KHDC1: variants seen among roughly 807,000 people sequenced by gnomAD.
KHDC1 encodes the protein KH domain containing 1.
A neutral mutation model predicts 24.7 loss-of-function variants in KHDC1; 21 were observed. That is an observed-to-expected ratio of 0.85 (90% CI 0.60 to 1.23). The LOEUF (loss-of-function observed/expected upper bound fraction) is 1.23, where lower values mean the gene tolerates loss of function less well. Among genes scored for constraint, KHDC1 ranks in the 50% most tolerant of loss-of-function variants. KHDC1 has a pLI of 0.00. For missense variants in KHDC1, 274 were observed against 298.5 expected (o/e 0.92, Z 0.61); for synonymous variants, 98 against 111.7 (o/e 0.88, Z 0.77).
At chr6:73,300,176 C>T (rs1226431728) in intron 1 of KHDC1, 1 of 152,342 alleles carries the variant, frequency 6.6e-6, no homozygotes, top group Non-Finnish European at 1.5e-5. Context: ...AGGTGTTCTC[C>T]ACATCAGTTC....
intron 1 of KHDC1, chr6:73,292,804 A>G: frequency 1.4e-6 from 1 of 709,160 alleles, no homozygotes. Context: ...AGTCTTACAC[A>G]TATAAAGACC....
chr6:73,254,332 G>A (rs930799504), intron 2 of KHDC1, among the ~76,000 whole-genome samples: 4 of 151,956 alleles, frequency 2.6e-5, no homozygotes, highest in Middle Eastern at 6.8e-3. Context: ...GTGGTGGTGC[G>A]TGCCTGTTAT....
At chr6:73,285,698 A>G (rs531899794) in intron 2 of KHDC1, among the ~76,000 whole-genome samples, 10 of 137,258 alleles carry the variant, frequency 7.3e-5, no homozygotes, top group Admixed American at 1.5e-4. Context: ...ACATGTGCAT[A>G]TTGTGCAGGT....
In KHDC1 at chr6:73,280,854, A is replaced by C. The variant is rs562940353; in HGVS notation, c.206+11144T>G. 3.8e-4 allele frequency among the ~76,000 whole-genome samples: 57 copies of C among 151,772 alleles called. 1 individual carries two copies. In the South Asian group the frequency reaches 5.0e-3, roughly 13 times the overall value. ...TTTTAATAGCTTTTTAAATCTTGTCAGTTTGCATTTTCCCCAGAACTCCCT... is the reference window on the plus strand; with the variant it reads ...TTTTAATAGCTTTTTAAATCTTGTCCGTTTGCATTTTCCCCAGAACTCCCT... On this transcript the variant is annotated intron_variant, in intron 2 of 4. Coordinates refer to ENST00000370384, the Ensembl canonical transcript of KHDC1.
intron 2 of KHDC1, among the ~76,000 whole-genome samples, chr6:73,247,836 A>G (rs1484658891): frequency 6.7e-6 from 1 of 148,366 alleles, no homozygotes; most frequent in Non-Finnish European, 1.5e-5. Context: ...AGCTTGGGAA[A>G]TAGAGCAAGA....
intron 1 of KHDC1, chr6:73,292,801 C>T (rs1002498536): frequency 4.2e-6 from 3 of 710,174 alleles, no homozygotes; most frequent in Non-Finnish European, 7.9e-6. Context: ...AGGAGTCTTA[C>T]ACATATAAAG....
At chr6:73,283,828 C>T (rs927234230) in intron 2 of KHDC1, among the ~76,000 whole-genome samples, 5 of 151,312 alleles carry the variant, frequency 3.3e-5, no homozygotes, top group South Asian at 2.1e-4. Flanking sequence ...CTCCCGCCTC[C>T]GCCTCCCACA....
intron 2 of KHDC1, among the ~76,000 whole-genome samples, chr6:73,278,138 A>G (rs1582572689): frequency 6.9e-6 from 1 of 144,290 alleles, no homozygotes; most frequent in Admixed American, 7.1e-5. Context: ...TAGCCTCCTG[A>G]GTAGCTAGGA....
intron 2 of KHDC1, among the ~76,000 whole-genome samples, chr6:73,289,333 CAAAAAAAA>C (rs60179008): frequency 0.031 from 1,912 of 62,660 alleles, 29 homozygotes; most frequent in East Asian, 0.12. Context: ...GACTCCATCT[CAAAAAAAA>C]AAAAAAAAAA....
intron 2 of KHDC1, chr6:73,270,294 T>G (rs1767156590): frequency 6.6e-6 from 1 of 152,222 alleles, no homozygotes; most frequent in African/African-American, 2.4e-5. Context: ...ATTGAAGTAT[T>G]GTACTATTTA....
chr6:73,263,138 G>T (rs1460111901), intron 2 of KHDC1: 1 of 992,294 alleles, frequency 1.0e-6, no homozygotes, highest in Non-Finnish European at 1.2e-6. Context: ...CCGCGCACCC[G>T]ACCCTTCCAG....
chr6:73,291,561 AAGCAATCCTTCTGCCTC>A (rs1767651088), intron 2 of KHDC1, among the ~76,000 whole-genome samples: 1 of 151,922 alleles, frequency 6.6e-6, no homozygotes, highest in Non-Finnish European at 1.5e-5. Flanking sequence ...TCCTAACTTC[AAGCAATCCTTCTGCCTC>A]AGCCTCCCAG....
At chr6:73,281,590 C>A (rs938489358) in intron 2 of KHDC1, among the ~76,000 whole-genome samples, 2 of 147,960 alleles carry the variant, frequency 1.4e-5, no homozygotes, top group African/African-American at 5.0e-5. Context: ...GCACTCCAGC[C>A]TGGGCAGTAA....
intron 2 of KHDC1, among the ~76,000 whole-genome samples, chr6:73,260,907 T>C (rs1766968125): frequency 6.6e-6 from 1 of 151,492 alleles, no homozygotes; most frequent in Non-Finnish European, 1.5e-5. Flanking sequence ...TGTAGGGTTG[T>C]CTTTTTCTTA....
intron 2 of KHDC1, among the ~76,000 whole-genome samples, chr6:73,287,436 A>G (rs13197259): frequency 0.069 from 10,554 of 152,250 alleles, 383 homozygotes; most frequent in East Asian, 0.13. Flanking sequence ...CAAGGGTACT[A>G]TTCAATCTGT....
intron 1 of KHDC1, chr6:73,292,341 AT>A: frequency 1.2e-6 from 1 of 856,966 alleles, no homozygotes; most frequent in Non-Finnish European, 2.0e-6. Context: ...AGGCAGGAGT[AT>A]TTAGATACAT....
At chr6:73,243,387 A>G (rs1766610915) in intron 2 of KHDC1, among the ~76,000 whole-genome samples, 1 of 151,828 alleles carries the variant, frequency 6.6e-6, no homozygotes, top group South Asian at 2.1e-4. Flanking sequence ...AGACAAAGTC[A>G]GCCATCAGGA....
chr6:73,270,829 T>C (rs1450523092), intron 2 of KHDC1, among the ~76,000 whole-genome samples: 1 of 151,994 alleles, frequency 6.6e-6, no homozygotes, highest in Non-Finnish European at 1.5e-5. Context: ...TAGCTGGGAC[T>C]ACAGGCGCGT....
chr6:73,254,827 C>T (rs1185214352), intron 2 of KHDC1, among the ~76,000 whole-genome samples: 1 of 151,906 alleles, frequency 6.6e-6, no homozygotes, highest in African/African-American at 2.4e-5. Flanking sequence ...ACAGTGAAAC[C>T]CCGTCTCTAC....
Sources: gnomAD v4.1 joint callset for allele counts (sites outside exome capture counted in the v4.1 genomes callset) on GRCh38, gnomAD v4.1.1 for gene constraint, MANE v1.5 for transcripts, NCBI Gene and HGNC (gene_info 2026-07-23, HGNC 2026-07-21) for gene names.